Variants in RBMS3 observed in about 807,000 individuals in gnomAD.
RBMS3 encodes the protein RNA binding motif single stranded interacting protein 3.
RBMS3 carries 27 observed loss-of-function variants against 66.8 expected under a neutral mutation model. That is an observed-to-expected ratio of 0.40 (90% CI 0.30 to 0.56). The LOEUF is 0.56. Among genes scored for constraint, RBMS3 ranks in the 20% least tolerant of loss-of-function variants. The pLI is 0.40. For missense variants in RBMS3, 513 were observed against 549.5 expected, an observed-to-expected ratio of 0.93 and a Z score of 0.66; for synonymous variants, 188 against 183.0, an observed-to-expected ratio of 1.03 and a Z score of -0.22.
chr3:29,310,494 T>A (rs1404617546), intron 1 of RBMS3, among the ~76,000 whole-genome samples: 1 of 147,868 alleles, frequency 6.8e-6, no homozygotes, highest in African/African-American at 2.5e-5. Context: ...AATCTGAGAT[T>A]TCAATCTTCT....
At chr3:29,994,678 G>T (rs539700109) in intron 14 of RBMS3, among the ~76,000 whole-genome samples, 1 of 152,068 alleles carries the variant, frequency 6.6e-6, no homozygotes. Context: ...CACCTCACAC[G>T]GCAGGGTATT....
At chr3:29,304,542 T>C (rs924057314) in intron 1 of RBMS3, among the ~76,000 whole-genome samples, 8 of 151,906 alleles carry the variant, frequency 5.3e-5, no homozygotes, top group Non-Finnish European at 4.4e-5. Context: ...GCTGTTACAG[T>C]TTTAATCTCA....
chr3:29,811,776 G>C (rs2057735408), intron 6 of RBMS3, among the ~76,000 whole-genome samples: 1 of 152,136 alleles, frequency 6.6e-6, no homozygotes, highest in East Asian at 1.9e-4. Context: ...TTAGGATAAA[G>C]ATGAGTGACC....
chr3:29,958,086 T>C (rs200880851), intron 12 of RBMS3, among the ~76,000 whole-genome samples: 1 of 152,302 alleles, frequency 6.6e-6, no homozygotes, highest in East Asian at 1.9e-4. Context: ...CCTGTGTACA[T>C]AGGGCTGGTT....
At chr3:29,597,466 G>A (rs1339824366) in intron 4 of RBMS3, among the ~76,000 whole-genome samples, 1 of 152,122 alleles carries the variant, frequency 6.6e-6, no homozygotes, top group East Asian at 1.9e-4. Flanking sequence ...ACAGAAATGT[G>A]AGTGTTGTGA....
chr3:29,731,527 A>G (rs1559614973), intron 4 of RBMS3, among the ~76,000 whole-genome samples: 1 of 152,124 alleles, frequency 6.6e-6, no homozygotes, highest in Admixed American at 6.6e-5. Context: ...GGTACCATTT[A>G]AGGGTGAAAG....
intron 6 of RBMS3, among the ~76,000 whole-genome samples, chr3:29,783,618 C>T (rs900529608): frequency 6.6e-5 from 10 of 151,954 alleles, no homozygotes; most frequent in Admixed American, 6.6e-4. Context: ...CCTCACAGGA[C>T]CTATATAACA....
chr3:29,809,337 G>A (rs1378386138), intron 6 of RBMS3, among the ~76,000 whole-genome samples: 2 of 147,416 alleles, frequency 1.4e-5, no homozygotes, highest in Non-Finnish European at 1.5e-5. Flanking sequence ...ATGATCAGTG[G>A]GAAAAAAAAA....
chr3:29,354,996 G>A (rs2037134656), intron 1 of RBMS3, among the ~76,000 whole-genome samples: 1 of 152,124 alleles, frequency 6.6e-6, no homozygotes, highest in Non-Finnish European at 1.5e-5. Flanking sequence ...TTTGGGCAAT[G>A]TGTTCAATGA....
intron 14 of RBMS3, among the ~76,000 whole-genome samples, chr3:29,999,676 C>T (rs1181982360): frequency 6.6e-6 from 1 of 151,708 alleles, no homozygotes; most frequent in Admixed American, 6.6e-5. Context: ...CCAAATACTG[C>T]ATGTTCTCAC....
At chr3:29,524,735 C>T (rs1050470250) in intron 3 of RBMS3, among the ~76,000 whole-genome samples, 2 of 151,934 alleles carry the variant, frequency 1.3e-5, no homozygotes, top group South Asian at 4.2e-4. Flanking sequence ...TGAGCCATCA[C>T]GACCAGCCTA....
intron 4 of RBMS3, among the ~76,000 whole-genome samples, chr3:29,608,021 C>A (rs548329571): frequency 2.0e-5 from 3 of 151,996 alleles, no homozygotes; most frequent in Admixed American, 6.6e-5. Flanking sequence ...TCAACATGCC[C>A]ATCATCCAGC....
chr3:29,905,188 G>C (rs1307250835), intron 10 of RBMS3, among the ~76,000 whole-genome samples: 1 of 151,916 alleles, frequency 6.6e-6, no homozygotes, highest in Non-Finnish European at 1.5e-5. Flanking sequence ...TAATGAATGG[G>C]TGTGCCTTGA....
chr3:29,761,612 TA>T (rs1234514513), intron 5 of RBMS3, among the ~76,000 whole-genome samples: 1 of 152,200 alleles, frequency 6.6e-6, no homozygotes. Context: ...ATAGCTGTAA[TA>T]AATATGTATA....
At chr3:29,450,740 A>AAAAC (rs2041984109) in intron 2 of RBMS3, among the ~76,000 whole-genome samples, 1 of 152,158 alleles carries the variant, frequency 6.6e-6, no homozygotes, top group African/African-American at 2.4e-5. Flanking sequence ...TGGTAAATGG[A>AAAAC]AAACAAACAA....
intron 2 of RBMS3, among the ~76,000 whole-genome samples, chr3:29,459,213 A>G (rs576328560): frequency 6.6e-6 from 1 of 152,344 alleles, no homozygotes; most frequent in African/African-American, 2.4e-5. Context: ...ATCATTAAGA[A>G]GTGATTGATA....
intron 6 of RBMS3, among the ~76,000 whole-genome samples, chr3:29,806,660 G>T (rs1484095241): frequency 6.6e-6 from 1 of 151,570 alleles, no homozygotes; most frequent in Non-Finnish European, 1.5e-5. Flanking sequence ...TCTTCACTAT[G>T]TCTGTTCATA....
intron 1 of RBMS3, among the ~76,000 whole-genome samples, chr3:29,323,011 G>A (rs574003396): frequency 2.6e-5 from 4 of 152,188 alleles, no homozygotes; most frequent in Admixed American, 6.5e-5. Flanking sequence ...GCATCACCAT[G>A]GAGACCATAA....
At position 29,321,432 on chromosome 3, in the gene RBMS3, G is replaced by C. The variant is rs144330275; in HGVS notation, c.75+39676G>C. Among the ~76,000 whole-genome samples, 100 of 152,158 alleles carry C rather than the reference G, an allele frequency of 6.6e-4. 1 individual carries two copies. In the East Asian group the frequency reaches 0.017, roughly 26 times the overall value. ...TAGAACAATAATTTGAACCCACAAA[G>C]ATATCAGATTGCAATGCATATTATG... On this transcript the variant is annotated intron_variant, in intron 1 of 14. Transcript: ENST00000383767.
Sources: gnomAD v4.1 joint callset for allele counts (sites outside exome capture counted in the v4.1 genomes callset) on GRCh38, gnomAD v4.1.1 for gene constraint, MANE v1.5 for transcripts, NCBI Gene and HGNC (gene_info 2026-07-23, HGNC 2026-07-21) for gene names.